MARCHF1: variants seen among roughly 807,000 people sequenced by gnomAD.
The protein encoded by MARCHF1 is membrane associated ring-CH-type finger 1.
Under a neutral mutation model 54.2 loss-of-function variants are expected in MARCHF1, and 40 were observed. The ratio of observed to expected loss-of-function variants is 0.74; its 90% CI spans 0.57 to 0.96. The LOEUF is 0.96. Among genes scored for constraint, MARCHF1 ranks in the 40% least tolerant of loss-of-function variants. MARCHF1 has a pLI of 0.00. For missense variants in MARCHF1, 586 were observed against 656.5 expected, an observed-to-expected ratio of 0.89 and a Z score of 1.17; for synonymous variants, 236 against 236.3, an observed-to-expected ratio of 1.00 and a Z score of 0.01.
chr4:163,866,462 G>A (rs1192514766), intron 3 of MARCHF1, among the ~76,000 whole-genome samples: 1 of 33,434 alleles, frequency 3.0e-5, no homozygotes, highest in Non-Finnish European at 7.9e-5. Flanking sequence ...TTATAAAGCT[G>A]TAGTTATATA....
chr4:163,935,374 C>T lies in MARCHF1; in HGVS notation c.-39+53127G>A, dbSNP rs181893076. On this transcript the variant is annotated intron_variant, in intron 3 of 9. Coordinates refer to ENST00000514618, the MANE Select transcript of MARCHF1 (RefSeq NM_001394959.1). Reference sequence around the variant, plus strand: ...GGATGTTTTCACCTACATTGAAAATCTGTTTTTAAAGGTAGACACCTTAAT... The same window carrying T: ...GGATGTTTTCACCTACATTGAAAATTTGTTTTTAAAGGTAGACACCTTAAT... 8.5e-5 allele frequency among the ~76,000 whole-genome samples: 13 copies of T among 152,240 alleles called. No individual in the cohort carries two copies. In the East Asian group the frequency reaches 1.7e-3, roughly 20 times the overall value.
intron 3 of MARCHF1, among the ~76,000 whole-genome samples, chr4:163,965,728 CTA>C (rs1219895516): frequency 6.6e-6 from 1 of 152,092 alleles, no homozygotes; most frequent in East Asian, 1.9e-4. Flanking sequence ...CCAAGTTGAT[CTA>C]TGTCAATTAT....
At chr4:164,202,993 A>AAGAG (rs113576749) in intron 1 of MARCHF1, among the ~76,000 whole-genome samples, 196 of 149,646 alleles carry the variant, frequency 1.3e-3, no homozygotes, top group African/African-American at 2.7e-3. Flanking sequence ...GAAAGGGAGA[A>AAGAG]AGAGAGAGAG....
chr4:164,063,221 TA>T (rs1215862918), intron 2 of MARCHF1, among the ~76,000 whole-genome samples: 2 of 152,214 alleles, frequency 1.3e-5, no homozygotes, highest in African/African-American at 4.8e-5. Flanking sequence ...TAGCCCCTAA[TA>T]ACAGAGTCAG....
At chr4:163,688,605 A>G (rs1744344230) in intron 5 of MARCHF1, among the ~76,000 whole-genome samples, 2 of 152,244 alleles carry the variant, frequency 1.3e-5, no homozygotes, top group Non-Finnish European at 2.9e-5. Context: ...GAATGTTTGT[A>G]TAGTTCATCA....
intron 1 of MARCHF1, among the ~76,000 whole-genome samples, chr4:164,378,128 G>C (rs1178013953): frequency 6.6e-6 from 1 of 152,218 alleles, no homozygotes; most frequent in Non-Finnish European, 1.5e-5. Context: ...GAAGTACCAA[G>C]GAGGTAATGT....
intron 3 of MARCHF1, among the ~76,000 whole-genome samples, chr4:163,902,336 T>C (rs548230250): frequency 6.6e-6 from 1 of 152,326 alleles, no homozygotes; most frequent in African/African-American, 2.4e-5. Flanking sequence ...TCTAGTGATT[T>C]GATACCACAA....
intron 1 of MARCHF1, among the ~76,000 whole-genome samples, chr4:164,154,196 C>A (rs1730015362): frequency 6.6e-6 from 1 of 151,366 alleles, no homozygotes; most frequent in African/African-American, 2.5e-5. Context: ...TAAAAAATAT[C>A]TTGCCATTTG....
At chr4:163,929,972 A>ATTATAT (rs1560823842) in intron 3 of MARCHF1, among the ~76,000 whole-genome samples, 1 of 115,678 alleles carries the variant, frequency 8.6e-6, no homozygotes, top group Non-Finnish European at 1.8e-5. Context: ...TAATATATAT[A>ATTATAT]ATATATATAA....
intron 3 of MARCHF1, among the ~76,000 whole-genome samples, chr4:163,864,313 C>G (rs893562537): frequency 1.2e-4 from 18 of 151,548 alleles, no homozygotes; most frequent in African/African-American, 4.4e-4. Flanking sequence ...TAACTCCAGT[C>G]TAATCATCAG....
At chr4:163,990,658 T>C (rs1752953518) in intron 2 of MARCHF1, among the ~76,000 whole-genome samples, 1 of 152,180 alleles carries the variant, frequency 6.6e-6, no homozygotes, top group Admixed American at 6.5e-5. Context: ...TGTAGCTTAA[T>C]GTTCACATCT....
intron 4 of MARCHF1, among the ~76,000 whole-genome samples, chr4:163,846,623 A>G (rs1749491858): frequency 6.6e-6 from 1 of 152,184 alleles, no homozygotes; most frequent in Admixed American, 6.5e-5. Flanking sequence ...TGAAGGCAGA[A>G]TATTAGTATA....
chr4:163,932,231 C>T (rs2111400138), intron 3 of MARCHF1, among the ~76,000 whole-genome samples: 1 of 152,186 alleles, frequency 6.6e-6, no homozygotes, highest in East Asian at 1.9e-4. Flanking sequence ...TGGTGTTTGC[C>T]AAAGATTGGG....
At chr4:164,261,847 G>T (rs1223082474) in intron 1 of MARCHF1, among the ~76,000 whole-genome samples, 1 of 152,072 alleles carries the variant, frequency 6.6e-6, no homozygotes, top group East Asian at 1.9e-4. Flanking sequence ...CATAAGAATG[G>T]AAAGAAAGTG....
chr4:163,540,270 G>C (rs767569352), intron 9 of MARCHF1, among the ~76,000 whole-genome samples: 6 of 152,188 alleles, frequency 3.9e-5, no homozygotes, highest in Non-Finnish European at 8.8e-5. Flanking sequence ...TCACTTAACA[G>C]TGACAGTGGC....
chr4:164,238,658 A>G (rs1579648452), intron 1 of MARCHF1, among the ~76,000 whole-genome samples: 1 of 141,376 alleles, frequency 7.1e-6, no homozygotes, highest in Non-Finnish European at 1.5e-5. Context: ...CTATATTAAC[A>G]TTGAATCCAG....
intron 2 of MARCHF1, among the ~76,000 whole-genome samples, chr4:164,082,362 T>C (rs908381719): frequency 3.3e-5 from 5 of 152,160 alleles, no homozygotes; most frequent in Non-Finnish European, 7.3e-5. Context: ...ACAGGCCCCA[T>C]TATAACTTTT....
chr4:163,945,609 T>C (rs968463581), intron 3 of MARCHF1, among the ~76,000 whole-genome samples: 1 of 152,184 alleles, frequency 6.6e-6, no homozygotes, highest in African/African-American at 2.4e-5. Flanking sequence ...ATTATCTCCA[T>C]AAACTAGCTT....
intron 8 of MARCHF1, among the ~76,000 whole-genome samples, chr4:163,573,456 TC>T (rs1739914391): frequency 1.3e-5 from 1 of 77,226 alleles, no homozygotes; most frequent in East Asian, 4.6e-4. Context: ...GTGCTATCCC[TC>T]CCCCCTCCCC....
Sources: gnomAD v4.1 joint callset for allele counts (sites outside exome capture counted in the v4.1 genomes callset) on GRCh38, gnomAD v4.1.1 for gene constraint, MANE v1.5 for transcripts, NCBI Gene and HGNC (gene_info 2026-07-23, HGNC 2026-07-21) for gene names.